The following RADIL variants were observed in gnomAD, a reference collection of about 807,000 sequenced individuals.
RADIL encodes the protein ras-associating and dilute domain-containing protein.
RADIL carries 99 observed loss-of-function variants against 97.6 expected under a neutral mutation model. The observed-to-expected ratio is 1.01, with a 90% confidence interval of 0.86 to 1.20. The LOEUF is 1.20. RADIL is among the 50% of genes most tolerant of loss of function. RADIL has a pLI of 0.00. For missense variants in RADIL, 1,765 were observed against 1,498.9 expected, an observed-to-expected ratio of 1.18 and a Z score of -2.93; for synonymous variants, 803 against 691.8, an observed-to-expected ratio of 1.16 and a Z score of -2.52.
rs1473756040 is a variant in RADIL at position 4,837,153 on chromosome 7, C to T, written c.536-548G>A. On this transcript the variant is annotated intron_variant, in intron 2 of 14. Transcript: ENST00000399583. This position sits in a 1 kb window ranked among gnomAD's most constrained non-coding sequence, Gnocchi z 5.6. ...CACAGAACAGTCTCAGAGCAGGCAG[C>T]CTGCCTGTCAAATCCTCAGGCTGAG... Among the ~76,000 whole-genome samples the T allele has an allele frequency of 2.0e-5, 3 of 152,192 alleles. No individual in the cohort carries two copies. Among genetic ancestry groups the T allele is most frequent in the East Asian group, 1.9e-4 (1 of 5,198 alleles).
Position 4,863,261 on chromosome 7 carries a change from ATTCTG to A in RADIL, c.535+14339_535+14343del, listed in dbSNP as rs555344406. Among the ~76,000 whole-genome samples, 40 of 152,322 alleles carry A rather than the reference ATTCTG, an allele frequency of 2.6e-4. 1 individual carries two copies. The East Asian group carries it at 7.7e-3, about 29-fold the overall frequency. On this transcript the variant is annotated intron_variant, in intron 2 of 14. Transcript: ENST00000399583. ...CAAGCTTCTCTGCCTTTTAGATGGC[ATTCTG>A]TTCTTTCATGTTTTTCCCCCTACCT...
chr7:4,846,236 T>A (rs1783569460), intron 2 of RADIL, among the ~76,000 whole-genome samples: 1 of 150,826 alleles, frequency 6.6e-6, no homozygotes, highest in African/African-American at 2.4e-5. Context: ...AACCTCCGAC[T>A]CCCTGGTTCA....
chr7:4,823,565 G>A (rs781571663), intron 5 of RADIL, among the ~76,000 whole-genome samples: 2 of 152,030 alleles, frequency 1.3e-5, no homozygotes, highest in Non-Finnish European at 2.9e-5. Context: ...GGTAGGGGTT[G>A]GGGGGGCGCC....
chr7:4,858,896 A>C (rs1783901951), intron 2 of RADIL: 1 of 152,198 alleles, frequency 6.6e-6, no homozygotes, highest in African/African-American at 2.4e-5. Context: ...GAAGAGAGGG[A>C]GGCAAAAAGC....
intron 2 of RADIL, chr7:4,861,557 C>T (rs779685361): frequency 6.2e-7 from 1 of 1,613,996 alleles, no homozygotes; most frequent in South Asian, 1.1e-5. Flanking sequence ...CTGGGGAAGA[C>T]TCTTGCTTTC....
At chr7:4,800,656 C>T (rs117287992) in intron 12 of RADIL, among the ~76,000 whole-genome samples, 2 of 152,164 alleles carry the variant, frequency 1.3e-5, no homozygotes, top group Non-Finnish European at 2.9e-5. Flanking sequence ...CCTCCCTCCA[C>T]ACCCAGATGT....
chr7:4,805,209 T>C (rs1222598767), intron 10 of RADIL: 4 of 283,856 alleles, frequency 1.4e-5, no homozygotes, highest in African/African-American at 2.1e-5. Flanking sequence ...GGCTCAGGGA[T>C]GCGTCCCCAC....
chr7:4,816,946 C>T (rs1035087187), intron 7 of RADIL, among the ~76,000 whole-genome samples: 1 of 152,156 alleles, frequency 6.6e-6, no homozygotes, highest in African/African-American at 2.4e-5. Flanking sequence ...CTGGGGCCTC[C>T]CCCACCTCAT....
chr7:4,878,093 T>A lies in RADIL; in HGVS notation c.47A>T (p.Lys16Ile). The A allele has an allele frequency of 1.3e-6, 2 of 1,590,766 alleles. No individual in the cohort carries two copies. The highest frequency in any genetic ancestry group is 1.7e-6 in the Non-Finnish European group (2 of 1,169,610). Residue 16 changes from lysine to isoleucine, a missense_variant, in exon 2 of 15, where the codon AAA becomes ATA. Lys to Ile is a moderately radical substitution (Grantham distance 102). Transcript: ENST00000399583. The surrounding 1 kb of genome is among the most constrained non-coding windows in gnomAD (Gnocchi z 4.1). Reference sequence around the variant, plus strand: ...CAACAGCTGGCTCTGCCGCTTCAGTTTGCTCTTGGTGGGCGGGGACATGAT... The same window carrying A: ...CAACAGCTGGCTCTGCCGCTTCAGTATGCTCTTGGTGGGCGGGGACATGAT... ...HFIMSPPTKSKLKRQSQLLSS... is the reference protein window; with the variant it reads ...HFIMSPPTKSILKRQSQLLSS...
At position 4,867,613 on chromosome 7, in the gene RADIL, C is replaced by T. The variant is rs1180447709; in HGVS notation, c.535+9992G>A. 6.6e-6 allele frequency among the ~76,000 whole-genome samples: 1 copy of T among 150,824 alleles called. No homozygotes were observed. Among genetic ancestry groups the T allele is most frequent in the East Asian group, 1.9e-4 (1 of 5,172 alleles). Reference sequence around the variant, plus strand: ...CTGGCAACATAGTGAGGCCCTGTCTCTATTTTTAAAATAAATAAGTAAATA... The same window carrying T: ...CTGGCAACATAGTGAGGCCCTGTCTTTATTTTTAAAATAAATAAGTAAATA... On this transcript the variant is annotated intron_variant, in intron 2 of 14. Coordinates refer to ENST00000399583, the MANE Select transcript of RADIL (RefSeq NM_018059.5). The surrounding 1 kb of genome is among the most constrained non-coding windows in gnomAD (Gnocchi z 4.1).
chr7:4,835,038 A>G lies in RADIL; in HGVS notation c.985T>C (p.Phe329Leu), dbSNP rs368962390. 4 of 1,610,324 alleles carry G rather than the reference A, an allele frequency of 2.5e-6. No individual in the cohort carries two copies. In the African/African-American group the frequency reaches 5.3e-5, roughly 22 times the overall value. Residue 329 changes from phenylalanine (F) to leucine (L), a missense_variant, in exon 4 of 15, where the codon TTC becomes CTC. By Grantham distance (22) the Phe-to-Leu change is conservative. Coordinates refer to ENST00000399583, the MANE Select transcript of RADIL (RefSeq NM_018059.5). The surrounding 1 kb of genome is among the most constrained non-coding windows in gnomAD (Gnocchi z 5.8). ...PIPGAHISVN[F>L]SEVGHRTVVL... ...ACGGTCCTGTGCCCCACCTCGGAGA[A>G]GTTGACGGAGATGTGCGCCCCGGGG... is the stretch of plus-strand genomic sequence containing the variant.
chr7:4,827,191 C>T (rs1230460539), intron 5 of RADIL, among the ~76,000 whole-genome samples: 1 of 151,798 alleles, frequency 6.6e-6, no homozygotes, highest in African/African-American at 2.4e-5. Flanking sequence ...ATGGTGAAAC[C>T]CCGTCTTTAC....
rs765139832 is a variant in RADIL at position 4,805,687 on chromosome 7, G to T, written c.2169C>A (p.Phe723Leu). ...GCAGCTGTGCTGGGCTCAGTGCGGGGAACGCAGCCCGCAGGGCTGTCCAGC... is the reference window on the plus strand; with the variant it reads ...GCAGCTGTGCTGGGCTCAGTGCGGGTAACGCAGCCCGCAGGGCTGTCCAGC... ...QMSWTALRAAFPALSPAQLHR... is the reference protein window; with the variant it reads ...QMSWTALRAALPALSPAQLHR... The change falls in exon 10 of 15, where the codon TTC becomes TTA. Residue 723 changes from phenylalanine to leucine, a missense_variant. Phe to Leu is a conservative substitution (Grantham distance 22). Transcript: ENST00000399583. 5.0e-5 allele frequency: 81 copies of T among 1,611,226 alleles called. No individual in the cohort carries two copies. Among genetic ancestry groups the T allele is most frequent in the Non-Finnish European group, 6.8e-5 (80 of 1,179,754 alleles).
chr7:4,860,197 T>C, intron 2 of RADIL: 1 of 1,614,050 alleles, frequency 6.2e-7, no homozygotes, highest in Non-Finnish European at 8.5e-7. Context: ...TGCTAGTAGA[T>C]GAAGGCACAG....
chr7:4,838,932 C>T lies in RADIL; in HGVS notation c.536-2327G>A, dbSNP rs1015847283. On this transcript the variant is annotated intron_variant, in intron 2 of 14. Transcript: ENST00000399583. ...GAACAGCCAGCAGGACCCGTGCACT[C>T]GTGCACACATGCATGCACACGTGCA... is the stretch of plus-strand genomic sequence containing the variant. 3.3e-5 allele frequency among the ~76,000 whole-genome samples: 5 copies of T among 152,298 alleles called. No individual in the cohort carries two copies. The South Asian group carries it at 6.2e-4, about 19-fold the overall frequency.
chr7:4,825,014 G>C (rs908992909), intron 5 of RADIL, among the ~76,000 whole-genome samples: 5 of 152,300 alleles, frequency 3.3e-5, no homozygotes, highest in Admixed American at 2.0e-4. Context: ...TGTGAGTGGG[G>C]GCCCAGGGAA....
chr7:4,871,056 T>C (rs1201106891), intron 2 of RADIL, among the ~76,000 whole-genome samples: 1 of 152,246 alleles, frequency 6.6e-6, no homozygotes, highest in East Asian at 1.9e-4. Flanking sequence ...CTCAAACACG[T>C]CTTTAAAGTT....
chr7:4,860,472 G>C (rs374500784), intron 2 of RADIL: 1 of 1,614,086 alleles, frequency 6.2e-7, no homozygotes, highest in Non-Finnish European at 8.5e-7. Context: ...GAATTATCTG[G>C]CTTTTTTAGC....
Position 4,815,654 on chromosome 7 carries a change from G to A in RADIL, c.1967-204C>T, listed in dbSNP as rs951719475. Among the ~76,000 whole-genome samples the A allele has an allele frequency of 6.6e-6, 1 of 152,186 alleles. No individual in the cohort carries two copies. Among genetic ancestry groups the A allele is most frequent in the African/African-American group, 2.4e-5 (1 of 41,440 alleles). ...CTGGAGCGGGGGTACGGTGGGAGGT[G>A]AACGTAGCAGGGCAGGGTGGGCTGT... On this transcript the variant is annotated intron_variant, in intron 8 of 14. Transcript: ENST00000399583. The surrounding 1 kb of genome is among the most constrained non-coding windows in gnomAD (Gnocchi z 8.0).
Sources: gnomAD v4.1 joint callset for allele counts (sites outside exome capture counted in the v4.1 genomes callset) on GRCh38, gnomAD v4.1.1 for gene constraint, Gnocchi (gnomAD v3.1) non-coding constraint, MANE v1.5 for transcripts, NCBI Gene and HGNC (gene_info 2026-07-23, HGNC 2026-07-21) for gene names.